Variants in EXOC6B observed in about 807,000 individuals in gnomAD.
EXOC6B encodes SEC15 homolog B.
EXOC6B carries 54 observed loss-of-function variants against 113.5 expected under a neutral mutation model. The ratio of observed to expected loss-of-function variants is 0.48; its 90% CI spans 0.38 to 0.60. The LOEUF is 0.60. Ranked by LOEUF, EXOC6B falls within the 20% of genes least tolerant of loss-of-function variation. The pLI is 0.00. For missense variants in EXOC6B, 797 were observed against 977.5 expected (o/e 0.82, Z 2.46); for synonymous variants, 357 against 339.0 (o/e 1.05, Z -0.58).
At chr2:72,569,644 C>A (rs571935681) in intron 7 of EXOC6B, among the ~76,000 whole-genome samples, 1 of 152,238 alleles carries the variant, frequency 6.6e-6, no homozygotes, top group East Asian at 1.9e-4. Context: ...CAATCTGCAA[C>A]CTCTGGTTTA....
chr2:72,715,882 T>C (rs954488805), intron 6 of EXOC6B, among the ~76,000 whole-genome samples: 2 of 152,080 alleles, frequency 1.3e-5, no homozygotes, highest in Admixed American at 1.3e-4. Context: ...GAAATGGATG[T>C]AGTGACTACA....
At chr2:72,673,354 AAT>A (rs1158949254) in intron 6 of EXOC6B, among the ~76,000 whole-genome samples, 2 of 152,220 alleles carry the variant, frequency 1.3e-5, no homozygotes, top group Non-Finnish European at 2.9e-5. Flanking sequence ...TATGATTGAC[AAT>A]AACCTGCCCA....
intron 18 of EXOC6B, among the ~76,000 whole-genome samples, chr2:72,403,767 C>A (rs939149619): frequency 6.6e-6 from 1 of 152,138 alleles, no homozygotes; most frequent in Non-Finnish European, 1.5e-5. Flanking sequence ...CTCCAGTCTA[C>A]AGCTCCCAGC....
chr2:72,795,492 C>T (rs1467313694), intron 1 of EXOC6B, among the ~76,000 whole-genome samples: 2 of 152,040 alleles, frequency 1.3e-5, no homozygotes, highest in Non-Finnish European at 2.9e-5. Flanking sequence ...AGGAGAATGG[C>T]GTGAACCCGG....
chr2:72,793,801 T>C (rs964498401), intron 1 of EXOC6B, among the ~76,000 whole-genome samples: 2 of 152,104 alleles, frequency 1.3e-5, no homozygotes, highest in Admixed American at 6.5e-5. Context: ...AGGTATAGAC[T>C]TGAAATAGAA....
chr2:72,216,021 GA>G (rs1680510543), intron 20 of EXOC6B, among the ~76,000 whole-genome samples: 2 of 152,146 alleles, frequency 1.3e-5, no homozygotes, highest in South Asian at 4.2e-4. Context: ...ATCTATGGGA[GA>G]AAGACAGAAA....
chr2:72,502,908 G>T (rs993255651), intron 11 of EXOC6B, among the ~76,000 whole-genome samples: 1 of 151,664 alleles, frequency 6.6e-6, no homozygotes, highest in Non-Finnish European at 1.5e-5. Context: ...CTGTATTTTG[G>T]GGTCAGCATT....
intron 6 of EXOC6B, among the ~76,000 whole-genome samples, chr2:72,655,416 T>C (rs1279969386): frequency 6.6e-6 from 1 of 151,594 alleles, no homozygotes; most frequent in African/African-American, 2.4e-5. Context: ...AAGAAGACAA[T>C]GGAGGAAGAT....
In EXOC6B at chr2:72,441,505, AAAG is replaced by A. The variant is rs144692425; in HGVS notation, c.1980+23652_1980+23654del. On this transcript the variant is annotated intron_variant, in intron 18 of 21. Transcript: ENST00000272427. ...TAGATAAACCTTTAACTAGAATAAT[AAAG>A]AAGAAAAGAGAGAAGATTCAAATAA... 2.5e-3 allele frequency among the ~76,000 whole-genome samples: 387 copies of A among 152,254 alleles called. 3 individuals carry two copies. The highest frequency in any genetic ancestry group is 4.6e-3 in the Non-Finnish European group (310 of 68,012).
At chr2:72,514,954 GACAC>G (rs57089571) in intron 9 of EXOC6B, 85 bp downstream of exon 9, 99,063 of 695,996 alleles carry the variant, frequency 0.14, 20 homozygotes, top group East Asian at 0.22. Context: ...CACACACACA[GACAC>G]ACACACACAC....
chr2:72,302,755 C>A (rs1317933913), intron 20 of EXOC6B, among the ~76,000 whole-genome samples: 1 of 152,086 alleles, frequency 6.6e-6, no homozygotes, highest in Non-Finnish European at 1.5e-5. Context: ...AGACAGCATA[C>A]CACTGAGTCT....
chr2:72,449,018 C>A (rs889642829), intron 18 of EXOC6B, among the ~76,000 whole-genome samples: 2 of 152,186 alleles, frequency 1.3e-5, no homozygotes, highest in Non-Finnish European at 2.9e-5. Context: ...ATAAAACAAG[C>A]CTATTGTTTC....
intron 18 of EXOC6B, among the ~76,000 whole-genome samples, chr2:72,389,065 C>T (rs956498039): frequency 6.6e-6 from 1 of 152,102 alleles, no homozygotes; most frequent in Non-Finnish European, 1.5e-5. Flanking sequence ...ATATAATTCA[C>T]AGTACGATTG....
chr2:72,235,992 G>A (rs1295829751), intron 20 of EXOC6B, among the ~76,000 whole-genome samples: 1 of 152,172 alleles, frequency 6.6e-6, no homozygotes, highest in African/African-American at 2.4e-5. Flanking sequence ...TGATGATAGA[G>A]CTTAAAGGAC....
intron 7 of EXOC6B, among the ~76,000 whole-genome samples, chr2:72,566,519 T>C (rs1704187895): frequency 6.6e-6 from 1 of 152,132 alleles, no homozygotes; most frequent in Admixed American, 6.5e-5. Context: ...GTGAATATGC[T>C]GGTTCAATAC....
At chr2:72,238,441 A>G (rs184242446) in intron 20 of EXOC6B, among the ~76,000 whole-genome samples, 1 of 152,316 alleles carries the variant, frequency 6.6e-6, no homozygotes, top group East Asian at 1.9e-4. Flanking sequence ...GCTGGGTTAT[A>G]TGGTTAACTC....
At chr2:72,794,976 T>A (rs1684866284) in intron 1 of EXOC6B, among the ~76,000 whole-genome samples, 2 of 152,280 alleles carry the variant, frequency 1.3e-5, no homozygotes, top group Non-Finnish European at 2.9e-5. Flanking sequence ...CAAAAACACA[T>A]GCAGTCGTCT....
chr2:72,194,031 C>T lies in EXOC6B; in HGVS notation c.2197-9844G>A, dbSNP rs536621811. 1.5e-4 allele frequency among the ~76,000 whole-genome samples: 23 copies of T among 152,252 alleles called. No individual in the cohort carries two copies. The South Asian group carries it at 4.6e-3, about 30-fold the overall frequency. ...TATGACATGGGAAGCTTAAAATATC[C>T]ACTATCCAGTCTTTTACAGAAAAGG... On this transcript the variant is annotated intron_variant, in intron 20 of 21. Coordinates refer to ENST00000272427, the MANE Select transcript of EXOC6B (RefSeq NM_015189.3).
intron 6 of EXOC6B, among the ~76,000 whole-genome samples, chr2:72,612,790 C>T: frequency 6.6e-6 from 1 of 152,176 alleles, no homozygotes; most frequent in East Asian, 1.9e-4. Context: ...CCTTACAAGA[C>T]AAAATAAACT....
Sources: allele counts gnomAD v4.1 joint callset (sites outside exome capture counted in the v4.1 genomes callset), GRCh38; gene constraint gnomAD v4.1.1; transcripts MANE v1.5; gene names NCBI Gene and HGNC (gene_info 2026-07-23, HGNC 2026-07-21).